MAP3K4: variants seen among roughly 807,000 people sequenced by gnomAD.
MAP3K4 encodes MAP three kinase 1.
Under a neutral mutation model 185.6 loss-of-function variants are expected in MAP3K4, and 67 were observed. The observed-to-expected ratio is 0.36, with a 90% CI of 0.30 to 0.44. The LOEUF (loss-of-function observed/expected upper bound fraction) is 0.44. Among genes scored for constraint, MAP3K4 ranks in the 20% least tolerant of loss-of-function variants. The pLI is 1.00. For synonymous variants in MAP3K4, 702 were observed against 710.4 expected (o/e 0.99, Z 0.19); for missense variants, 1,551 against 1,995.1 (o/e 0.78, Z 4.24).
chr6:161,078,756 C>T (rs939243734), intron 5 of MAP3K4, among the ~76,000 whole-genome samples: 5 of 152,028 alleles, frequency 3.3e-5, no homozygotes, highest in African/African-American at 1.2e-4. Flanking sequence ...GCAGGGTGGC[C>T]GAGCCCGAGA....
In MAP3K4 at chr6:161,108,036, C is replaced by G; in HGVS notation, c.4119+67C>G. 7.0e-7 allele frequency: 1 copy of G among 1,419,970 alleles called. No homozygotes were observed. The highest frequency in any genetic ancestry group is 1.2e-5 in the South Asian group (1 of 84,198). 88.0% of individuals were successfully genotyped at this position (1,419,970 alleles called of 1,614,324 possible). ...CTGGGTGATAGAAATTCCGTATAGA[C>G]GCTGGTCGTGATTCAGTTCTCTGTG... On this transcript the variant is annotated intron_variant, in intron 21 of 26. Transcript: ENST00000392142. The surrounding 1 kb of genome is among the most constrained non-coding windows in gnomAD (Gnocchi z 5.7).
chr6:161,114,273 A>G lies in MAP3K4; in HGVS notation c.4627-850A>G, dbSNP rs573256216. Among the ~76,000 whole-genome samples, 3 of 152,332 alleles carry G rather than the reference A, an allele frequency of 2.0e-5. No homozygotes were observed. In the East Asian group the frequency reaches 5.8e-4, roughly 29 times the overall value. ...GATAATATTAATGAGCAGTTATACAAATGTAAAAAGACACGCATGAACTGC... is the reference window on the plus strand; with the variant it reads ...GATAATATTAATGAGCAGTTATACAGATGTAAAAAGACACGCATGAACTGC... On this transcript the variant is annotated intron_variant, in intron 25 of 26. Coordinates refer to ENST00000392142, the MANE Select transcript of MAP3K4 (RefSeq NM_005922.4). This position sits in a 1 kb window ranked among gnomAD's most constrained non-coding sequence, Gnocchi z 4.3.
intron 1 of MAP3K4, among the ~76,000 whole-genome samples, chr6:161,027,847 G>A (rs1782746348): frequency 6.6e-6 from 1 of 152,214 alleles, no homozygotes; most frequent in South Asian, 2.1e-4. Flanking sequence ...TACGGTGTTG[G>A]CTGCAGAGCA....
rs1009876121 is a variant in MAP3K4 at position 161,061,197 on chromosome 6, A to G, written c.1708-9411A>G. 5.9e-5 allele frequency among the ~76,000 whole-genome samples: 9 copies of G among 152,172 alleles called. No individual in the cohort carries two copies. The highest frequency in any genetic ancestry group is 7.3e-5 in the Non-Finnish European group (5 of 68,038). ...CTTTCTTTTTTTATTGAGAAGCCCA[A>G]TGTTCTGTGATACCAGGTGTGACAG... is the stretch of plus-strand genomic sequence containing the variant. On this transcript the variant is annotated intron_variant, in intron 3 of 26. Coordinates refer to ENST00000392142, the MANE Select transcript of MAP3K4 (RefSeq NM_005922.4). The surrounding 1 kb of genome is among the most constrained non-coding windows in gnomAD (Gnocchi z 4.2).
At chr6:161,004,507 G>T (rs1781484062) in intron 1 of MAP3K4, among the ~76,000 whole-genome samples, 1 of 152,100 alleles carries the variant, frequency 6.6e-6, no homozygotes, top group African/African-American at 2.4e-5. Flanking sequence ...TTTTTAAAAG[G>T]TGAAAGAACA....
Position 161,034,837 on chromosome 6 carries a change from C to G in MAP3K4, c.343+388C>G, listed in dbSNP as rs556116557. On this transcript the variant is annotated intron_variant, in intron 2 of 26. Transcript: ENST00000392142. This position sits in a 1 kb window ranked among gnomAD's most constrained non-coding sequence, Gnocchi z 4.4. ...GGTGTATTGGGGATTTGAGGAGAGACAGAGCCAGGCTGTCTTCCCCTGGAT... is the reference window on the plus strand; with the variant it reads ...GGTGTATTGGGGATTTGAGGAGAGAGAGAGCCAGGCTGTCTTCCCCTGGAT... Among the ~76,000 whole-genome samples, 4 of 152,278 alleles carry G rather than the reference C, an allele frequency of 2.6e-5. No individual in the cohort carries two copies. The East Asian group carries it at 7.7e-4, about 29-fold the overall frequency.
At chr6:161,024,866 TGAGAG>T (rs1052914718) in intron 1 of MAP3K4, among the ~76,000 whole-genome samples, 1 of 152,174 alleles carries the variant, frequency 6.6e-6, no homozygotes, top group African/African-American at 2.4e-5. Flanking sequence ...TCCACCTCCT[TGAGAG>T]GAAAGTATGT....
At chr6:161,021,111 C>T (rs1013346312) in intron 1 of MAP3K4, among the ~76,000 whole-genome samples, 1 of 152,102 alleles carries the variant, frequency 6.6e-6, no homozygotes, top group Admixed American at 6.5e-5. Flanking sequence ...CTGTGTGTAT[C>T]TTTGATTACA....
In MAP3K4 at chr6:161,087,591, T is replaced by C; in HGVS notation, c.2557-97T>C. 1 of 1,346,344 alleles carries C rather than the reference T, an allele frequency of 7.4e-7. No homozygotes were observed. Among genetic ancestry groups the C allele is most frequent in the Non-Finnish European group, 1.0e-6 (1 of 959,352 alleles). The allele number at this position is 1,346,344 out of a possible 1,614,324, so 83.4% of individuals were successfully genotyped here. A position where few individuals can be genotyped will look rare whatever the true frequency, so the allele number is the denominator to read the frequency against. Reference sequence around the variant, plus strand: ...CAATTCATGCCCTTCCCACTTTCCCTTTCCCAAACCTGCCTCTCCTTTCCT... The same window carrying C: ...CAATTCATGCCCTTCCCACTTTCCCCTTCCCAAACCTGCCTCTCCTTTCCT... On this transcript the variant is annotated intron_variant, in intron 9 of 26. Transcript: ENST00000392142. This position sits in a 1 kb window ranked among gnomAD's most constrained non-coding sequence, Gnocchi z 4.9.
Position 161,087,651 on chromosome 6 carries a change from C to T in MAP3K4, c.2557-37C>T. On this transcript the variant is annotated intron_variant, in intron 9 of 26. Transcript: ENST00000392142. The surrounding 1 kb of genome is among the most constrained non-coding windows in gnomAD (Gnocchi z 4.9). ...TTAAATAACCTATTTCTCTAATGTA[C>T]AGTGTTCCTTAAGATTTTGGATTAT... 6.2e-7 allele frequency: 1 copy of T among 1,606,362 alleles called. No homozygotes were observed. Among genetic ancestry groups the T allele is most frequent in the East Asian group, 2.2e-5 (1 of 44,868 alleles).
Position 161,108,930 on chromosome 6 carries a change from T to C in MAP3K4, c.4236+71T>C. The C allele has an allele frequency of 1.9e-6, 3 of 1,590,790 alleles. No homozygotes were observed. Among genetic ancestry groups the C allele is most frequent in the Non-Finnish European group, 2.6e-6 (3 of 1,158,864 alleles). On this transcript the variant is annotated intron_variant, in intron 22 of 26. Coordinates refer to ENST00000392142, the MANE Select transcript of MAP3K4 (RefSeq NM_005922.4). This position sits in a 1 kb window ranked among gnomAD's most constrained non-coding sequence, Gnocchi z 5.7. ...GCACAGAATGGAGTCCTGTTCTACATCACAGGTCTTCTCATTTCAGAGCAC... is the reference window on the plus strand; with the variant it reads ...GCACAGAATGGAGTCCTGTTCTACACCACAGGTCTTCTCATTTCAGAGCAC...
chr6:161,106,620 T>C lies in MAP3K4; in HGVS notation c.3963T>C (p.Val1321=), dbSNP rs749062018. 3.1e-6 allele frequency: 5 copies of C among 1,613,732 alleles called. No homozygotes were observed. Among genetic ancestry groups the C allele is most frequent in the South Asian group, 1.1e-5 (1 of 91,042 alleles). The change falls in exon 20 of 27, where the codon GTT becomes GTC. Residue 1321 remains valine (V), a synonymous_variant. Coordinates refer to ENST00000392142, the MANE Select transcript of MAP3K4 (RefSeq NM_005922.4). This position sits in a 1 kb window ranked among gnomAD's most constrained non-coding sequence, Gnocchi z 4.9. ...EMRRKNIIGQ[V]CDTPKSYDNV... Reference sequence around the variant, plus strand: ...GGAGAAAGAATATCATTGGTCAAGTTTGTGATACGCCTAAGTCCTATGATA... The same window carrying C: ...GGAGAAAGAATATCATTGGTCAAGTCTGTGATACGCCTAAGTCCTATGATA...
intron 2 of MAP3K4, among the ~76,000 whole-genome samples, chr6:161,044,625 T>C (rs995199715): frequency 2.6e-5 from 4 of 152,210 alleles, no homozygotes; most frequent in African/African-American, 4.8e-5. Context: ...AAAGCACTCT[T>C]GGATTTACTC....
intron 2 of MAP3K4, among the ~76,000 whole-genome samples, chr6:161,039,944 G>C (rs1390897556): frequency 2.0e-5 from 3 of 152,228 alleles, no homozygotes; most frequent in Admixed American, 6.5e-5. Flanking sequence ...CTATTGCGGG[G>C]AGCATCTCTG....
At chr6:161,045,765 A>G (rs1200403123) in intron 2 of MAP3K4, among the ~76,000 whole-genome samples, 1 of 152,206 alleles carries the variant, frequency 6.6e-6, no homozygotes, top group East Asian at 1.9e-4. Flanking sequence ...GCCATTATCA[A>G]TAATGCACCA....
chr6:161,052,216 C>G (rs530041325), intron 3 of MAP3K4, among the ~76,000 whole-genome samples: 1 of 125,580 alleles, frequency 8.0e-6, no homozygotes, highest in East Asian at 2.8e-4. Flanking sequence ...TGGTGATTAA[C>G]TATTGCTACT....
rs1039558664 is a variant in MAP3K4, at chr6:161,101,801, GTTGAGAATTA to G, written c.3675-87_3675-78del. ...TTCCTGGCAGGCAGAGTTGCCCCCA[GTTGAGAATTA>G]TTGCTCTAGAAAAATCTCGCAGATC... is the stretch of plus-strand genomic sequence containing the variant. On this transcript the variant is annotated intron_variant, in intron 17 of 26. Transcript: ENST00000392142. The surrounding 1 kb of genome is among the most constrained non-coding windows in gnomAD (Gnocchi z 5.1). The G allele has an allele frequency of 9.1e-7, 1 of 1,101,544 alleles. No homozygotes were observed. Among genetic ancestry groups the G allele is most frequent in the Non-Finnish European group, 1.3e-6 (1 of 747,050 alleles). The allele number at this position is 1,101,544 out of a possible 1,614,324, so 68.2% of individuals were successfully genotyped here. A position where few individuals can be genotyped will look rare whatever the true frequency, so the allele number is the denominator to read the frequency against.
Position 161,073,693 on chromosome 6 carries a change from C to A in MAP3K4, c.2097+81C>A. The A allele has an allele frequency of 1.4e-6, 2 of 1,445,776 alleles. No homozygotes were observed. Among genetic ancestry groups the A allele is most frequent in the Non-Finnish European group, 1.9e-6 (2 of 1,065,188 alleles). The allele number at this position is 1,445,776 out of a possible 1,614,324, so 89.6% of individuals were successfully genotyped here. ...AGTAAGCCTGTATTTCCTTGTTTTG[C>A]AAACAGCGTTGGCATACATATTCAG... On this transcript the variant is annotated intron_variant, in intron 5 of 26. Transcript: ENST00000392142. The surrounding 1 kb of genome is among the most constrained non-coding windows in gnomAD (Gnocchi z 4.2).
At chr6:161,044,448 C>T (rs559117820) in intron 2 of MAP3K4, among the ~76,000 whole-genome samples, 105 of 152,254 alleles carry the variant, frequency 6.9e-4, no homozygotes, top group African/African-American at 2.4e-3. Flanking sequence ...TTAAAAAGTT[C>T]CTTAGTCATG....
Sources: allele counts gnomAD v4.1 joint callset (sites outside exome capture counted in the v4.1 genomes callset), GRCh38; gene constraint gnomAD v4.1.1; non-coding constraint Gnocchi (gnomAD v3.1); transcripts MANE v1.5; gene names NCBI Gene and HGNC (gene_info 2026-07-23, HGNC 2026-07-21).